Variants in SLC1A7 observed in about 807,000 individuals in gnomAD.
SLC1A7 encodes solute carrier family 1 member 7, also known as excitatory amino acid transporter 5.
SLC1A7 carries 40 observed loss-of-function variants against 47.7 expected under a neutral mutation model. The ratio of observed to expected loss-of-function variants is 0.84; its 90% confidence interval spans 0.65 to 1.09. The LOEUF (loss-of-function observed/expected upper bound fraction) is 1.09. Ranked by LOEUF, SLC1A7 falls within the 50% of genes least tolerant of loss-of-function variation. The pLI is 0.00. For missense variants in SLC1A7, 746 were observed against 769.5 expected, an observed-to-expected ratio of 0.97 and a Z score of 0.36; for synonymous variants, 323 against 325.6, an observed-to-expected ratio of 0.99 and a Z score of 0.09.
chr1:53,091,088 A>T, intron 7 of SLC1A7: 1 of 845,770 alleles, frequency 1.2e-6, no homozygotes, highest in Non-Finnish European at 1.8e-6. Context: ...TGGAGGTCTG[A>T]GCAGCAGGGC....
intron 2 of SLC1A7, among the ~76,000 whole-genome samples, chr1:53,122,828 G>A (rs1422059452): frequency 6.6e-6 from 1 of 152,138 alleles, no homozygotes; most frequent in Non-Finnish European, 1.5e-5. Flanking sequence ...ATCCGCCTCC[G>A]GGGAAGAGCA....
chr1:53,127,369 A>G (rs1171423219), intron 2 of SLC1A7, among the ~76,000 whole-genome samples: 2 of 152,234 alleles, frequency 1.3e-5, no homozygotes, highest in Non-Finnish European at 2.9e-5. Context: ...TTGATGAACT[A>G]CTTGGACAGA....
At chr1:53,095,102 G>A (rs1644470224) in intron 5 of SLC1A7, among the ~76,000 whole-genome samples, 1 of 152,164 alleles carries the variant, frequency 6.6e-6, no homozygotes, top group Non-Finnish European at 1.5e-5. Context: ...CACAGGCACG[G>A]AAAGACCAGG....
intron 7 of SLC1A7, among the ~76,000 whole-genome samples, chr1:53,091,574 G>A (rs1014185816): frequency 2.0e-5 from 3 of 152,218 alleles, no homozygotes; most frequent in African/African-American, 7.2e-5. Context: ...GCGGGAGGGT[G>A]TTCCTGGCAA....
intron 7 of SLC1A7, 160 bp from the exon 8 acceptor site, chr1:53,090,966 G>C (rs1204122948): frequency 6.6e-7 from 1 of 1,503,782 alleles, no homozygotes; most frequent in South Asian, 1.3e-5. Context: ...GCACTGCAGT[G>C]CTCTCACTTG....
intron 2 of SLC1A7, among the ~76,000 whole-genome samples, chr1:53,124,249 A>AACAC (rs67205575): frequency 1.0e-3 from 7 of 6,966 alleles, no homozygotes; most frequent in Admixed American, 3.8e-3. Flanking sequence ...ATACATACAC[A>AACAC]ACACACACAC....
intron 9 of SLC1A7, 116 bp from the exon 10 acceptor site, chr1:53,089,095 C>A (rs1644391829): frequency 3.7e-6 from 3 of 817,682 alleles, no homozygotes; most frequent in Admixed American, 1.9e-5. Context: ...GCAAAGCCTG[C>A]AGCCAGATGG....
At chr1:53,140,327 C>T (rs999118615) in intron 1 of SLC1A7, among the ~76,000 whole-genome samples, 3 of 152,178 alleles carry the variant, frequency 2.0e-5, no homozygotes, top group Non-Finnish European at 1.5e-5. Context: ...AATAATCTTC[C>T]TGCAGGAGAT....
chr1:53,100,793 A>G (rs1644566640), intron 5 of SLC1A7, among the ~76,000 whole-genome samples: 2 of 143,678 alleles, frequency 1.4e-5, no homozygotes, highest in South Asian at 4.6e-4. Context: ...ACTTTGCTTC[A>G]GTACGCTCAC....
At chr1:53,093,690 T>C (rs1264727511) in intron 5 of SLC1A7, 130 bp from the exon 6 acceptor site, 1 of 642,188 alleles carries the variant, frequency 1.6e-6, no homozygotes. Flanking sequence ...ACTCTCTCTC[T>C]CCCTCTCTCC....
intron 9 of SLC1A7, 42 bp downstream of exon 9, chr1:53,089,758 G>T: frequency 6.2e-7 from 1 of 1,607,044 alleles, no homozygotes; most frequent in East Asian, 2.2e-5. Context: ...CCTGAAGTCA[G>T]CCCCTCCCAG....
At chr1:53,091,266 C>G (rs1261420028) in intron 7 of SLC1A7, among the ~76,000 whole-genome samples, 2 of 152,266 alleles carry the variant, frequency 1.3e-5, no homozygotes, top group Non-Finnish European at 2.9e-5. Flanking sequence ...ATTGTACCCA[C>G]TCAGTCAATG....
Position 53,092,525 on chromosome 1 carries a change from CCCACCGTCCTGCCCGTCCCCGGGGCT to C in SLC1A7, c.1031+3_1031+28del, listed in dbSNP as rs2150315301. ...GACAGGGCTCAGCCCCTCCCAGCTC[CCCACCGTCCTGCCCGTCCCCGGGGCT>C]ACCTGGAGGAGGTGGCCAGCGCGAT... On this transcript the variant is annotated splice_donor_5th_base_variant and intron_variant, in intron 7 of 10. Coordinates refer to ENST00000371494, the MANE Select transcript of SLC1A7 (RefSeq NM_006671.6). The C allele has an allele frequency of 6.5e-7, 1 of 1,536,380 alleles. No individual in the cohort carries two copies. Among genetic ancestry groups the C allele is most frequent in the East Asian group, 2.3e-5 (1 of 44,154 alleles).
chr1:53,120,336 C>G (rs1175153522), intron 2 of SLC1A7, among the ~76,000 whole-genome samples: 1 of 152,102 alleles, frequency 6.6e-6, no homozygotes, highest in African/African-American at 2.4e-5. Flanking sequence ...ACCACGCCCC[C>G]ACGAAGTCGA....
chr1:53,126,941 C>T (rs1169086053), intron 2 of SLC1A7, among the ~76,000 whole-genome samples: 1 of 151,840 alleles, frequency 6.6e-6, no homozygotes, highest in African/African-American at 2.4e-5. Flanking sequence ...TGGCTCACTG[C>T]AGGCTCAACC....
chr1:53,134,060 G>T (rs1356439516), intron 2 of SLC1A7, among the ~76,000 whole-genome samples: 1 of 152,130 alleles, frequency 6.6e-6, no homozygotes, highest in South Asian at 2.1e-4. Context: ...CCTCTGGGAA[G>T]CCAACCCTCA....
At chr1:53,106,484 G>A (rs1201916820) in intron 3 of SLC1A7, among the ~76,000 whole-genome samples, 1 of 151,704 alleles carries the variant, frequency 6.6e-6, no homozygotes, top group African/African-American at 2.4e-5. Context: ...GGTGCCTGTA[G>A]TCCCAGCTAC....
rs141387743 is a variant in SLC1A7, at chr1:53,103,368, G to A, written c.675C>T (p.Ile225=). The change falls in exon 5 of 11, where the codon ATC becomes ATT. Residue 225 remains isoleucine, a synonymous_variant. Transcript: ENST00000371494. ...TACCCATGGTGGCAGAGAAGAAGAC[G>A]ATGCCCAGCACATTCATGCCATCGC... ...GTSDGMNVLG[I]VFFSATMGIM... is the part of the protein sequence containing the mutation. The A allele has an allele frequency of 4.2e-5, 67 of 1,606,522 alleles. No homozygotes were observed. Among genetic ancestry groups the A allele is most frequent in the African/African-American group, 3.9e-4 (29 of 74,868 alleles).
At chr1:53,114,467 G>T (rs1644733457) in intron 3 of SLC1A7, 1 of 446,764 alleles carries the variant, frequency 2.2e-6, no homozygotes, top group South Asian at 3.8e-5. Flanking sequence ...GCCAATAACA[G>T]CCAGCCTCCC....
Sources: gnomAD v4.1 joint callset for allele counts (sites outside exome capture counted in the v4.1 genomes callset) on GRCh38, gnomAD v4.1.1 for gene constraint, MANE v1.5 for transcripts, NCBI Gene and HGNC (gene_info 2026-07-23, HGNC 2026-07-21) for gene names.